PITPNC1: variants seen among roughly 807,000 people sequenced by gnomAD.
The protein encoded by PITPNC1 is cytoplasmic phosphatidylinositol transfer protein 1.
A neutral mutation model predicts 44.7 loss-of-function variants in PITPNC1; 18 were observed. The ratio of observed to expected loss-of-function variants is 0.40; its 90% CI spans 0.28 to 0.60. The LOEUF (loss-of-function observed/expected upper bound fraction) is 0.60, where lower values mean the gene tolerates loss of function less well. PITPNC1 is among the 20% of genes least tolerant of loss of function. The pLI, the probability that PITPNC1 is intolerant of heterozygous loss-of-function variation, is 0.39. For synonymous variants in PITPNC1, 141 were observed against 149.6 expected (o/e 0.94, Z 0.42); for missense variants, 290 against 418.4 (o/e 0.69, Z 2.68).
chr17:67,681,608 C>CAAA (rs5821459), intron 8 of PITPNC1, among the ~76,000 whole-genome samples: 11 of 36,424 alleles, frequency 3.0e-4, no homozygotes, highest in African/African-American at 7.5e-4. Context: ...AACCCTATCT[C>CAAA]AAAAAAAAAA....
At chr17:67,378,779 C>A (rs745427281) in intron 1 of PITPNC1, among the ~76,000 whole-genome samples, 1 of 152,218 alleles carries the variant, frequency 6.6e-6, no homozygotes, top group Non-Finnish European at 1.5e-5. Flanking sequence ...GGCTCGGGAC[C>A]CGGCTGTGTC....
At chr17:67,468,392 T>C (rs1330216676) in intron 1 of PITPNC1, among the ~76,000 whole-genome samples, 1 of 139,564 alleles carries the variant, frequency 7.2e-6, no homozygotes, top group African/African-American at 2.8e-5. Flanking sequence ...AACAGGTGGC[T>C]TTCTTTCCTT....
chr17:67,423,531 G>A (rs1567983947), intron 1 of PITPNC1, among the ~76,000 whole-genome samples: 1 of 152,078 alleles, frequency 6.6e-6, no homozygotes, highest in African/African-American at 2.4e-5. Context: ...CTGACTAGGC[G>A]CAAATCCATG....
chr17:67,435,797 G>C (rs570033207), intron 1 of PITPNC1, among the ~76,000 whole-genome samples: 1 of 152,012 alleles, frequency 6.6e-6, no homozygotes, highest in Non-Finnish European at 1.5e-5. Context: ...GGTTGCAGTG[G>C]GCCGAGATCA....
chr17:67,564,299 T>A (rs2040945995), intron 4 of PITPNC1, among the ~76,000 whole-genome samples: 1 of 152,036 alleles, frequency 6.6e-6, no homozygotes, highest in Non-Finnish European at 1.5e-5. Flanking sequence ...GGGGTGCCAG[T>A]AGTGTGGCTG....
chr17:67,405,328 G>C (rs978942021), intron 1 of PITPNC1, among the ~76,000 whole-genome samples: 5 of 151,722 alleles, frequency 3.3e-5, no homozygotes, highest in African/African-American at 1.2e-4. Flanking sequence ...GAGGTGGGAG[G>C]ATCATTTGAG....
intron 4 of PITPNC1, among the ~76,000 whole-genome samples, chr17:67,574,609 T>C (rs1483178429): frequency 6.6e-6 from 1 of 152,194 alleles, no homozygotes; most frequent in Non-Finnish European, 1.5e-5. Flanking sequence ...ATTAGTGGGC[T>C]GGATTTTTGG....
Position 67,442,694 on chromosome 17 carries a change from T to A in PITPNC1, c.48+64492T>A, listed in dbSNP as rs188915153. Among the ~76,000 whole-genome samples, 454 of 151,124 alleles carry A rather than the reference T, an allele frequency of 3.0e-3. 3 individuals carry two copies. The highest frequency in any genetic ancestry group is 0.011 in the African/African-American group (442 of 41,226). On this transcript the variant is annotated intron_variant, in intron 1 of 8. Coordinates refer to ENST00000581322, the MANE Select transcript of PITPNC1 (RefSeq NM_012417.4). ...CCTGTCTCTACCAAAAATACAAAAA[T>A]ATATATATATATTAGCTAGGCATGG...
chr17:67,658,161 A>G (rs2042294884), intron 6 of PITPNC1, among the ~76,000 whole-genome samples: 1 of 152,212 alleles, frequency 6.6e-6, no homozygotes, highest in Non-Finnish European at 1.5e-5. Flanking sequence ...AGGGCAGCCA[A>G]ATGCCTAGGC....
chr17:67,472,617 A>G (rs1246999820), intron 1 of PITPNC1, among the ~76,000 whole-genome samples: 2 of 151,074 alleles, frequency 1.3e-5, no homozygotes, highest in Non-Finnish European at 3.0e-5. Context: ...ACTGCACTCC[A>G]GCCTGGGTGA....
At chr17:67,437,371 G>T (rs1375171441) in intron 1 of PITPNC1, among the ~76,000 whole-genome samples, 1 of 152,124 alleles carries the variant, frequency 6.6e-6, no homozygotes, top group East Asian at 1.9e-4. Flanking sequence ...CCTTGAACAT[G>T]GAGGCAGAAG....
chr17:67,425,532 T>C (rs1370196926), intron 1 of PITPNC1, among the ~76,000 whole-genome samples: 3 of 150,362 alleles, frequency 2.0e-5, no homozygotes, highest in Admixed American at 6.6e-5. Context: ...TTCTTTCTTT[T>C]TTTTTTAGAG....
rs542169883 is a variant in PITPNC1 at position 67,692,655 on chromosome 17, A to G, written c.766A>G (p.Ile256Val). 1.9e-5 allele frequency: 30 copies of G among 1,613,562 alleles called. No individual in the cohort carries two copies. The highest frequency in any genetic ancestry group is 6.7e-5 in the African/African-American group (5 of 74,940). Residue 256 changes from isoleucine (I) to valine (V), a missense_variant, in exon 9 of 9, where the codon ATT (isoleucine) becomes GTT (valine). Physicochemically the swap from Ile to Val is conservative, Grantham distance 29. Transcript: ENST00000581322. ...GAAAATCGGCATTTTCCCACCTGCA[A>G]TTTCTATCTCCAGCATCCCCCTGCT... is the stretch of plus-strand genomic sequence containing the variant. ...NKKIGIFPPAISISSIPLLPS... is the reference protein window; with the variant it reads ...NKKIGIFPPAVSISSIPLLPS...
rs556335285 is a variant in PITPNC1, at chr17:67,505,673, T to C, written c.49-27129T>C. On this transcript the variant is annotated intron_variant, in intron 1 of 8. Transcript: ENST00000581322. ...CTTTTTTTTAGTAGAGATGGGGTTT[T>C]ACCGTGTTAGCCAGGCTGGTCTCGA... is the stretch of plus-strand genomic sequence containing the variant. Among the ~76,000 whole-genome samples the C allele has an allele frequency of 7.9e-5, 12 of 152,234 alleles. No homozygotes were observed. The South Asian group carries it at 1.9e-3, about 24-fold the overall frequency.
intron 6 of PITPNC1, among the ~76,000 whole-genome samples, chr17:67,650,605 T>C (rs2042199668): frequency 6.6e-6 from 1 of 151,950 alleles, no homozygotes; most frequent in Non-Finnish European, 1.5e-5. Context: ...TGCGCCACCA[T>C]GCCTGGCTAA....
chr17:67,660,024 G>T (rs2144383671), intron 6 of PITPNC1, among the ~76,000 whole-genome samples: 1 of 152,242 alleles, frequency 6.6e-6, no homozygotes. Context: ...GGGACTGCAG[G>T]CACACACCAC....
At chr17:67,390,346 G>C (rs1352915362) in intron 1 of PITPNC1, among the ~76,000 whole-genome samples, 1 of 152,184 alleles carries the variant, frequency 6.6e-6, no homozygotes, top group African/African-American at 2.4e-5. Flanking sequence ...TTTCTTGTCA[G>C]AACTCAGGAT....
At chr17:67,540,910 T>C (rs1254093179) in intron 2 of PITPNC1, among the ~76,000 whole-genome samples, 1 of 152,200 alleles carries the variant, frequency 6.6e-6, no homozygotes, top group Non-Finnish European at 1.5e-5. Context: ...CCAGGAAGGA[T>C]GATAACTCTA....
At chr17:67,646,837 T>C (rs1165840537) in intron 6 of PITPNC1, among the ~76,000 whole-genome samples, 1 of 152,086 alleles carries the variant, frequency 6.6e-6, no homozygotes, top group Non-Finnish European at 1.5e-5. Context: ...CCAGCCAACA[T>C]TGTCTCCATT....
Sources: allele counts gnomAD v4.1 joint callset (sites outside exome capture counted in the v4.1 genomes callset), GRCh38; gene constraint gnomAD v4.1.1; transcripts MANE v1.5; gene names NCBI Gene and HGNC (gene_info 2026-07-23, HGNC 2026-07-21).